The following ARHGAP26 variants were observed in gnomAD, a reference collection of about 807,000 sequenced individuals.
The protein encoded by ARHGAP26 is rho GTPase-activating protein 26.
In ARHGAP26, 38 loss-of-function variants were observed where a neutral mutation model predicts 104.8. That is an observed-to-expected ratio of 0.36 (90% CI 0.28 to 0.48). The LOEUF is 0.48. ARHGAP26 is among the 20% of genes least tolerant of loss of function. The pLI, the probability that ARHGAP26 is intolerant of heterozygous loss-of-function variation, is 0.99. For missense variants in ARHGAP26, 704 were observed against 947.9 expected (o/e 0.74, Z 3.38); for synonymous variants, 341 against 340.0 (o/e 1.00, Z -0.03).
rs545196086 is a variant in ARHGAP26, at chr5:143,193,754, A to T, written c.1989-13444A>T. Among the ~76,000 whole-genome samples, 23 of 152,354 alleles carry T rather than the reference A, an allele frequency of 1.5e-4. No homozygotes were observed. The South Asian group carries it at 3.1e-3, about 21-fold the overall frequency. On this transcript the variant is annotated intron_variant, in intron 20 of 22. Transcript: ENST00000645722. ...ATGGTACAGTAAGATATTTTGAGAC[A>T]TTACATTCACATAATTTTCATTATA...
At position 143,040,004 on chromosome 5, in the gene ARHGAP26, G is replaced by A. The variant is rs117377093; in HGVS notation, c.1211-1812G>A. On this transcript the variant is annotated intron_variant, in intron 13 of 22. Coordinates refer to ENST00000645722, the MANE Select transcript of ARHGAP26 (RefSeq NM_001135608.3). ...TATCTCCCGATTGCAGTGTGTGTAT[G>A]TGCATACGTATTTATGGTGATCAGA... 2.1e-3 allele frequency among the ~76,000 whole-genome samples: 316 copies of A among 152,328 alleles called. 5 individuals are homozygous for A. In the East Asian group the frequency reaches 0.042, roughly 20 times the overall value.
intron 1 of ARHGAP26, among the ~76,000 whole-genome samples, chr5:142,836,233 T>C (rs1769535658): frequency 1.3e-5 from 2 of 152,250 alleles, no homozygotes; most frequent in Non-Finnish European, 2.9e-5. Context: ...ATGATCTCTC[T>C]GGGGTTTTGG....
intron 1 of ARHGAP26, among the ~76,000 whole-genome samples, chr5:142,804,845 A>C (rs1762695009): frequency 1.3e-5 from 2 of 151,784 alleles, no homozygotes; most frequent in African/African-American, 4.8e-5. Context: ...CTTCCTGCTC[A>C]TTTGTAGTGA....
intron 1 of ARHGAP26, among the ~76,000 whole-genome samples, chr5:142,848,207 C>T (rs1772402157): frequency 6.6e-6 from 1 of 152,192 alleles, no homozygotes; most frequent in African/African-American, 2.4e-5. Context: ...CTCTCAGCCG[C>T]CTGGTATTAA....
At chr5:142,973,092 T>C (rs888114705) in intron 11 of ARHGAP26, among the ~76,000 whole-genome samples, 69 of 152,322 alleles carry the variant, frequency 4.5e-4, no homozygotes, top group African/African-American at 1.6e-3. Context: ...TCCAGTTGAC[T>C]GAGAGTTAAC....
In ARHGAP26 at chr5:143,227,271, T is replaced by C. The variant is rs536034972; in HGVS notation, c.*4825T>C. The C allele has an allele frequency of 3.3e-4, 77 of 230,170 alleles. No individual in the cohort carries two copies. In the South Asian group the frequency reaches 0.013, roughly 39 times the overall value. The allele number at this position is 230,170 out of a possible 1,614,324, so 14.3% of individuals were successfully genotyped here. A position where few individuals can be genotyped will look rare whatever the true frequency, so the allele number is the denominator to read the frequency against. ...AGCGCTGCAGAAACCAAACAGCCTC[T>C]TAGCTACCTGACTTTAAAAGGAATG... On this transcript the variant is annotated 3_prime_UTR_variant, in exon 23 of 23. Transcript: ENST00000645722.
chr5:142,949,201 G>A (rs1448973352), intron 11 of ARHGAP26, among the ~76,000 whole-genome samples: 5 of 15,242 alleles, frequency 3.3e-4, no homozygotes, highest in African/African-American at 4.6e-4. Flanking sequence ...GAGAGAGAGA[G>A]AGAGAGAGAG....
intron 9 of ARHGAP26, among the ~76,000 whole-genome samples, chr5:142,908,059 A>G (rs1192652103): frequency 6.6e-6 from 1 of 152,206 alleles, no homozygotes; most frequent in Non-Finnish European, 1.5e-5. Context: ...TCACATATAT[A>G]CAATATCAAG....
intron 22 of ARHGAP26, among the ~76,000 whole-genome samples, chr5:143,217,500 A>G (rs1316787633): frequency 6.6e-6 from 1 of 152,228 alleles, no homozygotes; most frequent in Non-Finnish European, 1.5e-5. Flanking sequence ...GAAAATGCAC[A>G]TGGCAGTCAC....
At position 142,819,179 on chromosome 5, in the gene ARHGAP26, A is replaced by G. The variant is rs561236202; in HGVS notation, c.154+48264A>G. On this transcript the variant is annotated intron_variant, in intron 1 of 22. Coordinates refer to ENST00000645722, the MANE Select transcript of ARHGAP26 (RefSeq NM_001135608.3). ...GTTTTCTGCCTCAGGAGGTCACCCT[A>G]GTCCAAGTCGAAAACATTCCTCAGT... Among the ~76,000 whole-genome samples, 29 of 152,308 alleles carry G rather than the reference A, an allele frequency of 1.9e-4. No individual in the cohort carries two copies. In the East Asian group the frequency reaches 5.6e-3, roughly 29 times the overall value.
chr5:143,222,018 T>A (rs75862471), intron 22 of ARHGAP26, among the ~76,000 whole-genome samples: 2 of 152,108 alleles, frequency 1.3e-5, no homozygotes. Flanking sequence ...TAGGAATCTG[T>A]CACTTCTTTG....
intron 18 of ARHGAP26, among the ~76,000 whole-genome samples, chr5:143,123,370 G>C (rs1186615594): frequency 6.6e-6 from 1 of 152,230 alleles, no homozygotes; most frequent in African/African-American, 2.4e-5. Flanking sequence ...TGCTCCCTCA[G>C]TCTTTTTTGG....
At chr5:143,005,395 G>A (rs1399881015) in intron 11 of ARHGAP26, among the ~76,000 whole-genome samples, 1 of 152,246 alleles carries the variant, frequency 6.6e-6, no homozygotes, top group African/African-American at 2.4e-5. Context: ...AAAAATGAGT[G>A]AGTGTCATCG....
At chr5:143,083,262 T>C (rs1361886415) in intron 17 of ARHGAP26, among the ~76,000 whole-genome samples, 1 of 152,258 alleles carries the variant, frequency 6.6e-6, no homozygotes, top group Non-Finnish European at 1.5e-5. Flanking sequence ...AAATTCCGGC[T>C]GTATTTCTGC....
At chr5:142,855,348 G>T (rs1403201895) in intron 1 of ARHGAP26, among the ~76,000 whole-genome samples, 1 of 152,130 alleles carries the variant, frequency 6.6e-6, no homozygotes, top group Non-Finnish European at 1.5e-5. Context: ...CAGATACTAG[G>T]AGGCTGCTGG....
At chr5:143,098,181 G>T (rs75492071) in intron 17 of ARHGAP26, among the ~76,000 whole-genome samples, 2,647 of 152,244 alleles carry the variant, frequency 0.017, 77 homozygotes, top group African/African-American at 0.061. Context: ...TTCTACAGCT[G>T]TGCTTGACAT....
intron 11 of ARHGAP26, among the ~76,000 whole-genome samples, chr5:142,988,178 G>C (rs569550852): frequency 6.6e-6 from 1 of 152,196 alleles, no homozygotes; most frequent in African/African-American, 2.4e-5. Flanking sequence ...GCCTGTTATT[G>C]GTCTATTCAG....
At position 143,198,662 on chromosome 5, in the gene ARHGAP26, G is replaced by A. The variant is rs78322458; in HGVS notation, c.1989-8536G>A. Among the ~76,000 whole-genome samples, 564 of 152,100 alleles carry A rather than the reference G, an allele frequency of 3.7e-3. 4 individuals are homozygous for A. Among genetic ancestry groups the A allele is most frequent in the African/African-American group, 0.013 (543 of 41,464 alleles). ...TGTATTATTCAGTGAGAAAAGATTC[G>A]GATTATTGACTTGGGGAACATTAAG... On this transcript the variant is annotated intron_variant, in intron 20 of 22. Coordinates refer to ENST00000645722, the MANE Select transcript of ARHGAP26 (RefSeq NM_001135608.3).
chr5:142,824,623 A>G (rs1766860054), intron 1 of ARHGAP26, among the ~76,000 whole-genome samples: 1 of 152,210 alleles, frequency 6.6e-6, no homozygotes, highest in South Asian at 2.1e-4. Flanking sequence ...TTACACAGCC[A>G]GCAAAGGTAG....
Sources: gnomAD v4.1 joint callset for allele counts (sites outside exome capture counted in the v4.1 genomes callset) on GRCh38, gnomAD v4.1.1 for gene constraint, MANE v1.5 for transcripts, NCBI Gene and HGNC (gene_info 2026-07-23, HGNC 2026-07-21) for gene names.